Variants in NUP35 observed in about 807,000 individuals in gnomAD.
NUP35 encodes nucleoporin NUP35.
A neutral mutation model predicts 41.5 loss-of-function variants in NUP35; 25 were observed. The observed-to-expected ratio is 0.60, with a 90% CI of 0.44 to 0.84. The LOEUF (loss-of-function observed/expected upper bound fraction) is 0.84. Among genes scored for constraint, NUP35 ranks in the 40% least tolerant of loss-of-function variants. The pLI is 0.00. For synonymous variants in NUP35, 149 were observed against 130.7 expected (o/e 1.14, Z -0.96); for missense variants, 396 against 396.6 (o/e 1.00, Z 0.01).
chr2:183,124,950 G>T (rs1473616), intron 1 of NUP35, among the ~76,000 whole-genome samples: 144,602 of 151,788 alleles, frequency 0.95, 68,921 homozygotes, highest in East Asian at 1. Flanking sequence ...CTTGATCACC[G>T]GTGCTTCCAG....
chr2:183,146,637 C>T (rs1371429641), intron 4 of NUP35, among the ~76,000 whole-genome samples: 1 of 151,876 alleles, frequency 6.6e-6, no homozygotes, highest in Non-Finnish European at 1.5e-5. Flanking sequence ...CTCACTGTCA[C>T]CCAGGCTGGA....
At chr2:183,140,233 A>T (rs886148757) in intron 4 of NUP35, among the ~76,000 whole-genome samples, 22 of 150,234 alleles carry the variant, frequency 1.5e-4, no homozygotes, top group Non-Finnish European at 2.8e-4. Flanking sequence ...CTAGAGGAGA[A>T]TTTTTTTTTT....
intron 3 of NUP35, 125 bp downstream of exon 3, chr2:183,130,670 T>C: frequency 1.0e-6 from 1 of 984,644 alleles, no homozygotes; most frequent in Middle Eastern, 2.7e-4. Context: ...TTGCACAGAA[T>C]AAACATTAAA....
intron 1 of NUP35, chr2:183,118,512 ATAAGT>A (rs1206153194): frequency 3.3e-5 from 5 of 152,226 alleles, no homozygotes; most frequent in African/African-American, 9.6e-5. Context: ...ATTGCATTAA[ATAAGT>A]TATGTCAGAT....
At chr2:183,138,871 G>A (rs1196010742) in intron 4 of NUP35, among the ~76,000 whole-genome samples, 3 of 152,154 alleles carry the variant, frequency 2.0e-5, no homozygotes, top group Non-Finnish European at 1.5e-5. Flanking sequence ...GTTGATGCAA[G>A]GACCTCAGAG....
chr2:183,120,432 T>C (rs953878733), upstream of NUP35, among the ~76,000 whole-genome samples: 45 of 124,628 alleles, frequency 3.6e-4, no homozygotes, highest in African/African-American at 1.5e-3. Context: ...GATGACAGAG[T>C]GAGACTCCGT....
intron 7 of NUP35, 108 bp from the exon 8 acceptor site, chr2:183,159,380 A>G: frequency 1.1e-6 from 1 of 885,856 alleles, no homozygotes; most frequent in South Asian, 2.1e-5. Context: ...ATTAGAGCAA[A>G]TAAAGTATTT....
Position 183,156,338 on chromosome 2 carries a change from TTTAA to T in NUP35, c.540-1095_540-1092del, listed in dbSNP as rs1290744350. Among the ~76,000 whole-genome samples the T allele has an allele frequency of 4.6e-5, 7 of 152,326 alleles. No individual in the cohort carries two copies. In the South Asian group the frequency reaches 1.0e-3, roughly 23 times the overall value. On this transcript the variant is annotated intron_variant, in intron 5 of 8. Coordinates refer to ENST00000295119, the MANE Select transcript of NUP35 (RefSeq NM_138285.5). ...GAATATTTTACTCATATAGATTTTA[TTTAA>T]TTAATTAATTTATTTTGAGATGAGG...
chr2:183,159,556 A>G lies in NUP35; in HGVS notation c.807A>G (p.Lys269=). Residue 269 remains lysine (K), a synonymous_variant, in exon 8 of 9, where the codon AAA becomes AAG. Transcript: ENST00000295119. ...CTTTAGCCTTTACACCACCAATCAA[A>G]ACTCTAGGTACACCAACACAACCTG... ...SPSLAFTPPI[K]TLGTPTQPGS... 1.2e-6 allele frequency: 2 copies of G among 1,613,642 alleles called. No homozygotes were observed. Among genetic ancestry groups the G allele is most frequent in the Non-Finnish European group, 1.7e-6 (2 of 1,179,740 alleles).
intron 4 of NUP35, among the ~76,000 whole-genome samples, chr2:183,148,662 A>G (rs1377801875): frequency 6.6e-6 from 1 of 152,002 alleles, no homozygotes; most frequent in Non-Finnish European, 1.5e-5. Context: ...AAATATATCT[A>G]TAGATATATT....
intron 8 of NUP35, 116 bp from the exon 9 acceptor site, chr2:183,160,938 A>G (rs1485973544): frequency 9.8e-6 from 7 of 712,432 alleles, no homozygotes; most frequent in East Asian, 5.6e-5. Context: ...AAAATTTACA[A>G]TTTAGTGCTA....
At chr2:183,124,367 A>G, upstream of NUP35, 2 of 1,611,352 alleles carry the variant, frequency 1.2e-6, no homozygotes, top group South Asian at 1.1e-5. Context: ...GCAACCCCAT[A>G]AGGTAGCACG....
At chr2:183,145,829 A>C (rs779507450) in intron 4 of NUP35, among the ~76,000 whole-genome samples, 27 of 152,234 alleles carry the variant, frequency 1.8e-4, no homozygotes, top group Non-Finnish European at 2.6e-4. Flanking sequence ...TCTTGCCTCC[A>C]AATGATATCA....
At chr2:183,126,182 C>A (rs1051608147) in intron 1 of NUP35, among the ~76,000 whole-genome samples, 2 of 152,132 alleles carry the variant, frequency 1.3e-5, no homozygotes, top group African/African-American at 4.8e-5. Context: ...CCACAGTGTG[C>A]CGCCACTCCC....
At chr2:183,134,878 C>A (rs1445216852) in intron 4 of NUP35, among the ~76,000 whole-genome samples, 1 of 151,886 alleles carries the variant, frequency 6.6e-6, no homozygotes, top group Non-Finnish European at 1.5e-5. Context: ...CCCACCTCGG[C>A]CTCCCAAAGT....
chr2:183,133,338 T>A (rs887362589), intron 3 of NUP35, among the ~76,000 whole-genome samples: 6 of 141,714 alleles, frequency 4.2e-5, no homozygotes, highest in African/African-American at 8.2e-5. Flanking sequence ...TTTTTTTTTT[T>A]AACATAATAT....
At chr2:183,150,327 C>A (rs144790611) in intron 4 of NUP35, among the ~76,000 whole-genome samples, 418 of 152,288 alleles carry the variant, frequency 2.7e-3, no homozygotes, top group Admixed American at 6.1e-3. Context: ...TAAGGTTTTT[C>A]TTCATGATCC....
intron 4 of NUP35, among the ~76,000 whole-genome samples, chr2:183,134,870 CA>C (rs1219461565): frequency 1.3e-5 from 2 of 151,822 alleles, no homozygotes; most frequent in Non-Finnish European, 2.9e-5. Context: ...GTGATCTACC[CA>C]CCTCGGCCTC....
At chr2:183,159,754 T>C in intron 8 of NUP35, 102 bp downstream of exon 8, 1 of 912,796 alleles carries the variant, frequency 1.1e-6, no homozygotes, top group Non-Finnish European at 1.7e-6. Context: ...AAATGTTTCC[T>C]GTGGAGGCTA....
Sources: gnomAD v4.1 joint callset for allele counts (sites outside exome capture counted in the v4.1 genomes callset) on GRCh38, gnomAD v4.1.1 for gene constraint, MANE v1.5 for transcripts, NCBI Gene and HGNC (gene_info 2026-07-23, HGNC 2026-07-21) for gene names.